The following EHBP1 variants were observed in gnomAD, a reference collection of about 807,000 sequenced individuals.
The protein encoded by EHBP1 is EH domain binding protein 1.
A neutral mutation model predicts 144.0 loss-of-function variants in EHBP1; 55 were observed. The ratio of observed to expected loss-of-function variants is 0.38; its 90% CI spans 0.31 to 0.48. The LOEUF (loss-of-function observed/expected upper bound fraction) is 0.48, where lower values mean the gene tolerates loss of function less well. Ranked by LOEUF, EHBP1 falls within the 20% of genes least tolerant of loss-of-function variation. EHBP1 has a pLI of 0.98. For synonymous variants in EHBP1, 469 were observed against 472.7 expected, an observed-to-expected ratio of 0.99 and a Z score of 0.10; for missense variants, 1,200 against 1,364.2, an observed-to-expected ratio of 0.88 and a Z score of 1.90.
chr2:62,877,421 G>T (rs1416178185), intron 10 of EHBP1, among the ~76,000 whole-genome samples: 1 of 152,152 alleles, frequency 6.6e-6, no homozygotes, highest in East Asian at 1.9e-4. Flanking sequence ...ACACCCCACT[G>T]ACAATATTAG....
chr2:62,842,390 A>G (rs1387798580), intron 7 of EHBP1, among the ~76,000 whole-genome samples: 1 of 152,086 alleles, frequency 6.6e-6, no homozygotes, highest in Admixed American at 6.6e-5. Flanking sequence ...TGGCCCTTAA[A>G]GCCTTTTATA....
intron 19 of EHBP1, among the ~76,000 whole-genome samples, chr2:63,022,299 T>TTCC (rs1037080351): frequency 4.0e-5 from 6 of 151,820 alleles, no homozygotes; most frequent in Non-Finnish European, 7.4e-5. Flanking sequence ...TCTTTCCTCC[T>TTCC]TCCTCCTCCT....
At chr2:62,923,012 C>T (rs1382215134) in intron 10 of EHBP1, among the ~76,000 whole-genome samples, 1 of 152,138 alleles carries the variant, frequency 6.6e-6, no homozygotes, top group Non-Finnish European at 1.5e-5. Flanking sequence ...ATAAGGTGTG[C>T]ACTCCCCATA....
rs562263108 is a variant in EHBP1, at chr2:62,727,696, A to C, written c.105-19699A>C. On this transcript the variant is annotated intron_variant, in intron 2 of 22. Coordinates refer to ENST00000431489, the MANE Select transcript of EHBP1 (RefSeq NM_001142616.3). ...ATATGTTACATTTTACCCATTCATC[A>C]GTTGATGAACATTTGGGCTGTTTCC... Among the ~76,000 whole-genome samples, 73 of 152,328 alleles carry C rather than the reference A, an allele frequency of 4.8e-4. 1 individual carries two copies. Among genetic ancestry groups the C allele is most frequent in the African/African-American group, 1.6e-3 (65 of 41,570 alleles).
chr2:63,004,868 C>T (rs1304563460), intron 19 of EHBP1, among the ~76,000 whole-genome samples: 3 of 152,096 alleles, frequency 2.0e-5, no homozygotes, highest in Admixed American at 2.0e-4. Flanking sequence ...TTTGTAAATT[C>T]TCTGTTCCCA....
At chr2:62,889,515 G>C (rs529237720) in intron 10 of EHBP1, among the ~76,000 whole-genome samples, 104 of 151,984 alleles carry the variant, frequency 6.8e-4, no homozygotes, top group African/African-American at 2.5e-3. Flanking sequence ...TCTTTTCCAG[G>C]GCTTTTGTAG....
At chr2:62,941,999 A>T (rs911911984) in intron 10 of EHBP1, among the ~76,000 whole-genome samples, 2 of 152,218 alleles carry the variant, frequency 1.3e-5, no homozygotes, top group East Asian at 3.9e-4. Flanking sequence ...TATATGAACA[A>T]GGGTAAAAGT....
At chr2:62,903,473 C>T (rs1173280773) in intron 10 of EHBP1, among the ~76,000 whole-genome samples, 1 of 152,172 alleles carries the variant, frequency 6.6e-6, no homozygotes, top group African/African-American at 2.4e-5. Context: ...CCTAAACATA[C>T]TGAGTCAGGC....
chr2:62,788,728 A>G (rs1226863172), intron 5 of EHBP1, among the ~76,000 whole-genome samples: 1 of 152,212 alleles, frequency 6.6e-6, no homozygotes, highest in Non-Finnish European at 1.5e-5. Context: ...AGGTTTGCCA[A>G]TAAGCTTGAT....
At chr2:62,757,005 A>G (rs1281277402) in intron 3 of EHBP1, among the ~76,000 whole-genome samples, 1 of 152,192 alleles carries the variant, frequency 6.6e-6, no homozygotes, top group African/African-American at 2.4e-5. Context: ...TCTAAAGACT[A>G]GAACCACTTT....
chr2:63,009,110 T>G (rs1559060663), intron 19 of EHBP1, among the ~76,000 whole-genome samples: 1 of 151,696 alleles, frequency 6.6e-6, no homozygotes, highest in Non-Finnish European at 1.5e-5. Flanking sequence ...CATTTGTTTT[T>G]GTATTGATGT....
At chr2:62,708,051 G>A (rs2034769462) in intron 2 of EHBP1, among the ~76,000 whole-genome samples, 1 of 151,946 alleles carries the variant, frequency 6.6e-6, no homozygotes, top group East Asian at 1.9e-4. Flanking sequence ...TGGTCGTTTG[G>A]GTCTTGATTT....
chr2:62,773,575 T>A (rs1399538900), intron 5 of EHBP1, among the ~76,000 whole-genome samples: 1 of 151,960 alleles, frequency 6.6e-6, no homozygotes, highest in Non-Finnish European at 1.5e-5. Context: ...TTATTCTTTT[T>A]AAGAGAAAAA....
intron 2 of EHBP1, among the ~76,000 whole-genome samples, chr2:62,745,700 C>G (rs975779859): frequency 5.3e-5 from 8 of 151,970 alleles, no homozygotes; most frequent in Admixed American, 3.3e-4. Context: ...GCCAAATGCA[C>G]ATAGGGTCTA....
At chr2:62,787,150 A>G (rs937053655) in intron 5 of EHBP1, among the ~76,000 whole-genome samples, 1 of 152,166 alleles carries the variant, frequency 6.6e-6, no homozygotes, top group Non-Finnish European at 1.5e-5. Context: ...AGCTCCTATC[A>G]GTATAGTCAT....
At chr2:62,857,005 A>G (rs2049114045) in intron 7 of EHBP1, among the ~76,000 whole-genome samples, 1 of 152,148 alleles carries the variant, frequency 6.6e-6, no homozygotes, top group African/African-American at 2.4e-5. Flanking sequence ...AGATGGAGGA[A>G]GGGGGTCACA....
chr2:63,016,351 A>G (rs1264716034), intron 19 of EHBP1, among the ~76,000 whole-genome samples: 1 of 151,648 alleles, frequency 6.6e-6, no homozygotes, highest in Non-Finnish European at 1.5e-5. Flanking sequence ...AAAATAATAC[A>G]GCATCATTTT....
chr2:62,727,549 A>G (rs2036951099), intron 2 of EHBP1, among the ~76,000 whole-genome samples: 1 of 152,152 alleles, frequency 6.6e-6, no homozygotes, highest in Admixed American at 6.5e-5. Context: ...TGCCTATTCC[A>G]GATACTATAT....
intron 20 of EHBP1, among the ~76,000 whole-genome samples, chr2:63,037,854 G>A (rs2061504365): frequency 1.3e-5 from 2 of 152,042 alleles, no homozygotes; most frequent in African/African-American, 4.8e-5. Flanking sequence ...TATACAGAAA[G>A]CCAAGGAATA....
Sources: gnomAD v4.1 joint callset for allele counts (sites outside exome capture counted in the v4.1 genomes callset) on GRCh38, gnomAD v4.1.1 for gene constraint, MANE v1.5 for transcripts, NCBI Gene and HGNC (gene_info 2026-07-23, HGNC 2026-07-21) for gene names.